SETBP1: variants seen among roughly 807,000 people sequenced by gnomAD.
SETBP1 encodes the protein SET binding protein 1.
A neutral mutation model predicts 101.0 loss-of-function variants in SETBP1; 9 were observed. That is an observed-to-expected ratio of 0.09 (90% confidence interval 0.05 to 0.16). The LOEUF (loss-of-function observed/expected upper bound fraction) is 0.16, where lower values mean the gene tolerates loss of function less well. SETBP1 is among the 10% of genes least tolerant of loss of function. The probability of loss-of-function intolerance (pLI) is 1.00; values close to 1 mark genes in which losing one functional copy is unlikely to be tolerated. For synonymous variants in SETBP1, 818 were observed against 788.5 expected (o/e 1.04, Z -0.63); for missense variants, 1,858 against 2,033.8 (o/e 0.91, Z 1.66).
intron 3 of SETBP1, among the ~76,000 whole-genome samples, chr18:44,897,782 G>A (rs1020717647): frequency 1.3e-5 from 2 of 152,056 alleles, no homozygotes; most frequent in African/African-American, 2.4e-5. Context: ...AGTGCTAATG[G>A]GGGAAGACAA....
chr18:44,869,327 G>T, intron 3 of SETBP1, 44 bp downstream of exon 3: 1 of 1,583,442 alleles, frequency 6.3e-7, no homozygotes, highest in Non-Finnish European at 8.7e-7. Flanking sequence ...AGAGTAAAAT[G>T]ATCCAGAGTT....
At chr18:45,032,362 C>T (rs2073314645) in intron 4 of SETBP1, among the ~76,000 whole-genome samples, 2 of 152,138 alleles carry the variant, frequency 1.3e-5, no homozygotes. Flanking sequence ...AGACAGAGAT[C>T]ACAACTTCCA....
chr18:44,930,042 T>G (rs1334633592), intron 3 of SETBP1, among the ~76,000 whole-genome samples: 1 of 152,256 alleles, frequency 6.6e-6, no homozygotes, highest in Non-Finnish European at 1.5e-5. Flanking sequence ...TTCCAGTTTT[T>G]GCCCATTCAG....
intron 4 of SETBP1, among the ~76,000 whole-genome samples, chr18:44,999,862 C>T (rs929979195): frequency 3.9e-5 from 6 of 152,168 alleles, no homozygotes; most frequent in Admixed American, 3.9e-4. Context: ...GCCCTGCCAC[C>T]AGTAGTTTAC....
Position 44,952,172 on chromosome 18 carries a change from C to A in SETBP1, c.2832C>A (p.Ser944Arg), listed in dbSNP as rs1384153236. Residue 944 changes from serine (S) to arginine (R), a missense_variant, in exon 4 of 6, where the codon AGC (serine) becomes AGA (arginine). Around this residue, in one of 12 missense-constraint regions of SETBP1, gnomAD observed 255 missense variants for 300.1 expected, o/e 0.85. Transcript: ENST00000649279. Reference sequence around the variant, plus strand: ...CAAAGCACAAGAGGAAACGGAAAAGCCTGCAAAACCGCGATGACCTCCAGT... The same window carrying A: ...CAAAGCACAAGAGGAAACGGAAAAGACTGCAAAACCGCGATGACCTCCAGT... Reference protein sequence around the residue: ...KKPKHKRKRKSLQNRDDLQFL... With the variant: ...KKPKHKRKRKRLQNRDDLQFL... 6.2e-7 allele frequency: 1 copy of A among 1,614,154 alleles called. No individual in the cohort carries two copies. Among genetic ancestry groups the A allele is most frequent in the African/African-American group, 1.3e-5 (1 of 75,018 alleles).
chr18:44,771,937 G>A (rs921328047), intron 2 of SETBP1, among the ~76,000 whole-genome samples: 10 of 152,226 alleles, frequency 6.6e-5, no homozygotes, highest in Admixed American at 5.9e-4. Flanking sequence ...GACTTCCTAT[G>A]TGTACGATTC....
intron 5 of SETBP1, among the ~76,000 whole-genome samples, chr18:45,043,945 C>T (rs2073560429): frequency 6.6e-6 from 1 of 152,150 alleles, no homozygotes; most frequent in Non-Finnish European, 1.5e-5. Flanking sequence ...AGCCAGCTGC[C>T]ATCTGTGGGA....
At chr18:45,050,286 G>A (rs2073700361) in intron 5 of SETBP1, among the ~76,000 whole-genome samples, 1 of 152,234 alleles carries the variant, frequency 6.6e-6, no homozygotes, top group Non-Finnish European at 1.5e-5. Flanking sequence ...AATAGTCCGT[G>A]AGTTTGTGAA....
intron 4 of SETBP1, among the ~76,000 whole-genome samples, chr18:45,004,339 G>T (rs923335836): frequency 6.6e-6 from 1 of 152,162 alleles, no homozygotes; most frequent in Non-Finnish European, 1.5e-5. Flanking sequence ...TACACCGATG[G>T]TTGGCGTGAT....
At chr18:44,827,924 C>T (rs1005836462) in intron 2 of SETBP1, among the ~76,000 whole-genome samples, 1 of 152,100 alleles carries the variant, frequency 6.6e-6, no homozygotes, top group East Asian at 1.9e-4. Context: ...CCAACCAGTG[C>T]CTATTCAAGC....
intron 2 of SETBP1, among the ~76,000 whole-genome samples, chr18:44,716,243 G>A (rs1249281284): frequency 6.6e-6 from 1 of 152,226 alleles, no homozygotes; most frequent in African/African-American, 2.4e-5. Flanking sequence ...AGGAGAGTCA[G>A]TGGTTGCAGC....
chr18:44,890,350 A>T (rs1023241240), intron 3 of SETBP1, among the ~76,000 whole-genome samples: 1 of 152,160 alleles, frequency 6.6e-6, no homozygotes, highest in Non-Finnish European at 1.5e-5. Flanking sequence ...ATTGTGAAAC[A>T]TAAAGGGGCT....
intron 2 of SETBP1, among the ~76,000 whole-genome samples, chr18:44,863,549 C>T (rs1471223318): frequency 6.6e-6 from 1 of 152,092 alleles, no homozygotes; most frequent in Middle Eastern, 3.2e-3. Flanking sequence ...AACTTCCATT[C>T]TAGAGCCAAA....
intron 3 of SETBP1, among the ~76,000 whole-genome samples, chr18:44,925,010 T>TTG (rs1266630668): frequency 0.024 from 2,015 of 83,970 alleles, 217 homozygotes; most frequent in East Asian, 0.095. Flanking sequence ...TGTGTGAGTT[T>TTG]TTTTTTTTTT....
intron 3 of SETBP1, among the ~76,000 whole-genome samples, chr18:44,937,454 CAAA>C (rs34414710): frequency 0.11 from 8,930 of 83,148 alleles, 213 homozygotes; most frequent in South Asian, 0.17. Context: ...GACTCCGTCT[CAAA>C]AAAAAAAAAA....
At position 44,952,053 on chromosome 18, in the gene SETBP1, A is replaced by C; in HGVS notation, c.2713A>C (p.Ile905Leu). 6.2e-7 allele frequency: 1 copy of C among 1,614,124 alleles called. No individual in the cohort carries two copies. The highest frequency in any genetic ancestry group is 8.5e-7 in the Non-Finnish European group (1 of 1,180,040). The change falls in exon 4 of 6, where the codon ATT (isoleucine) becomes CTT (leucine). Residue 905 changes from isoleucine to leucine, a missense_variant. Physicochemically the swap from Ile to Leu is conservative, Grantham distance 5 (BLOSUM62 2). Transcript: ENST00000649279. ...DFCSLDNPEA[I>L]PSDTSTKNRH... The stretch of plus-strand genomic sequence containing the variant: ...CTGCTCCCTGGACAACCCGGAGGCC[A>C]TTCCGTCCGACACCAGCACAAAGAA...
chr18:44,938,957 C>CGTGT (rs1568227437), intron 3 of SETBP1, among the ~76,000 whole-genome samples: 164 of 87,888 alleles, frequency 1.9e-3, no homozygotes, highest in African/African-American at 7.2e-3. Context: ...GGAGTGTGTG[C>CGTGT]ATGTGTGTGT....
intron 3 of SETBP1, among the ~76,000 whole-genome samples, chr18:44,894,740 C>T (rs1312925835): frequency 6.6e-6 from 1 of 151,640 alleles, no homozygotes; most frequent in East Asian, 1.9e-4. Context: ...AAGTACAGTA[C>T]AAAAATCTCC....
chr18:44,686,951 A>T (rs16978141), intron 1 of SETBP1, among the ~76,000 whole-genome samples: 11,917 of 152,238 alleles, frequency 0.078, 497 homozygotes, highest in Non-Finnish European at 0.081. Context: ...TGACTCTAAC[A>T]CACATAGCCC....
Sources: gnomAD v4.1 joint callset for allele counts (sites outside exome capture counted in the v4.1 genomes callset) on GRCh38, gnomAD v4.1.1 for gene constraint, gnomAD v4.1.1 regional missense constraint, MANE v1.5 for transcripts, NCBI Gene and HGNC (gene_info 2026-07-23, HGNC 2026-07-21) for gene names.